HFM1: variants seen among roughly 807,000 people sequenced by gnomAD.
HFM1 encodes the protein probable ATP-dependent DNA helicase HFM1.
In HFM1, 169 loss-of-function variants were observed where a neutral mutation model predicts 192.1. The observed-to-expected ratio is 0.88, with a 90% CI of 0.78 to 1.00. The LOEUF (loss-of-function observed/expected upper bound fraction) is 1.00, where lower values mean the gene tolerates loss of function less well. HFM1 is among the 50% of genes least tolerant of loss of function. The pLI, the probability that HFM1 is intolerant of heterozygous loss-of-function variation, is 0.00. For missense variants in HFM1, 1,661 were observed against 1,668.0 expected (o/e 1.00, Z 0.07); for synonymous variants, 525 against 537.8 (o/e 0.98, Z 0.33).
intron 30 of HFM1, among the ~76,000 whole-genome samples, chr1:91,297,017 G>A (rs1334202441): frequency 6.6e-6 from 1 of 152,248 alleles, no homozygotes; most frequent in African/African-American, 2.4e-5. Flanking sequence ...GGAAGCACAA[G>A]GGGTCAGGGA....
At chr1:91,333,610 T>TA (rs532263317) in intron 20 of HFM1, among the ~76,000 whole-genome samples, 39 of 152,226 alleles carry the variant, frequency 2.6e-4, no homozygotes, top group African/African-American at 9.1e-4. Flanking sequence ...AAAAATAACT[T>TA]AAACAGTATA....
At chr1:91,342,690 C>T (rs1331379319) in intron 20 of HFM1, among the ~76,000 whole-genome samples, 2 of 152,112 alleles carry the variant, frequency 1.3e-5, no homozygotes, top group African/African-American at 4.8e-5. Context: ...CTTGTTAATA[C>T]ATTTTGTTAT....
chr1:91,380,280 T>C (rs2102007747), intron 7 of HFM1, 44 bp from the exon 8 acceptor site: 1 of 1,171,976 alleles, frequency 8.5e-7, no homozygotes, highest in Non-Finnish European at 1.2e-6. Context: ...ATAGACTTTT[T>C]CACACACATT....
chr1:91,287,510 T>A (rs1167107516), intron 30 of HFM1, among the ~76,000 whole-genome samples: 2 of 151,818 alleles, frequency 1.3e-5, no homozygotes, highest in Non-Finnish European at 2.9e-5. Flanking sequence ...CAAAAACCCA[T>A]CTGTACATCA....
intron 13 of HFM1, 68 bp downstream of exon 13, chr1:91,375,290 A>G: frequency 9.0e-7 from 1 of 1,113,174 alleles, no homozygotes; most frequent in Non-Finnish European, 1.3e-6. Context: ...GACAAGCCTA[A>G]TTTTCTCATG....
At chr1:91,329,169 C>T (rs1275327596) in intron 20 of HFM1, 1 of 1,609,952 alleles carries the variant, frequency 6.2e-7, no homozygotes, top group Non-Finnish European at 8.5e-7. Flanking sequence ...GCGACTTGAC[C>T]CCAACAAGTA....
intron 2 of HFM1, among the ~76,000 whole-genome samples, chr1:91,399,350 T>C (rs910741278): frequency 9.2e-5 from 14 of 152,146 alleles, no homozygotes; most frequent in African/African-American, 2.9e-4. Context: ...AGATATTTGA[T>C]ACTCCCTCTA....
At chr1:91,341,044 A>G (rs1474205966) in intron 20 of HFM1, among the ~76,000 whole-genome samples, 1 of 152,174 alleles carries the variant, frequency 6.6e-6, no homozygotes, top group Non-Finnish European at 1.5e-5. Context: ...AGGGCAGAAA[A>G]CAAATAAAAA....
At chr1:91,300,595 T>C (rs1648579777) in intron 30 of HFM1, among the ~76,000 whole-genome samples, 1 of 152,184 alleles carries the variant, frequency 6.6e-6, no homozygotes, top group South Asian at 2.1e-4. Flanking sequence ...CATGATCAAG[T>C]GGGCTTCATC....
rs1052686062 is a variant in HFM1 at position 91,354,309 on chromosome 1, C to A, written c.1686-1010G>T. Reference sequence around the variant, plus strand: ...GGGAAAAAAAAGAAAGAGAAAAGAACAAAAAAGAGTGAACAAAGCCTATAG... The same window carrying A: ...GGGAAAAAAAAGAAAGAGAAAAGAAAAAAAAAGAGTGAACAAAGCCTATAG... On this transcript the variant is annotated intron_variant, in intron 13 of 38. Coordinates refer to ENST00000370425, the MANE Select transcript of HFM1 (RefSeq NM_001017975.6). Among the ~76,000 whole-genome samples the A allele has an allele frequency of 4.0e-5, 6 of 151,580 alleles. No individual in the cohort carries two copies. The East Asian group carries it at 1.2e-3, about 29-fold the overall frequency.
intron 13 of HFM1, among the ~76,000 whole-genome samples, chr1:91,356,593 AAATAATAAAGATC>A (rs1337303734): frequency 6.6e-6 from 1 of 152,196 alleles, no homozygotes; most frequent in Non-Finnish European, 1.5e-5. Flanking sequence ...AGAAGAAAGG[AAATAATAAAGATC>A]AGAACAGAAA....
At chr1:91,287,888 C>T (rs1011926217) in intron 30 of HFM1, among the ~76,000 whole-genome samples, 4 of 151,892 alleles carry the variant, frequency 2.6e-5, no homozygotes, top group South Asian at 2.1e-4. Context: ...GGAGCCGATG[C>T]GATGAATTGG....
chr1:91,299,671 C>A (rs1308079316), intron 30 of HFM1, among the ~76,000 whole-genome samples: 4 of 152,198 alleles, frequency 2.6e-5, no homozygotes, highest in Non-Finnish European at 5.9e-5. Flanking sequence ...GAACATCCTG[C>A]TCCTGAATGA....
chr1:91,295,148 G>A (rs1033389932), intron 30 of HFM1, among the ~76,000 whole-genome samples: 19 of 152,020 alleles, frequency 1.2e-4, no homozygotes, highest in Non-Finnish European at 2.5e-4. Context: ...ATAGGTTCCT[G>A]ACTTTTTGGA....
chr1:91,296,022 A>G (rs998404795), intron 30 of HFM1, among the ~76,000 whole-genome samples: 1 of 152,014 alleles, frequency 6.6e-6, no homozygotes, highest in Non-Finnish European at 1.5e-5. Context: ...TCTGCCTCCC[A>G]GGTTCATGCC....
At chr1:91,269,488 A>G (rs1666073794) in intron 34 of HFM1, among the ~76,000 whole-genome samples, 1 of 152,140 alleles carries the variant, frequency 6.6e-6, no homozygotes, top group Admixed American at 6.6e-5. Flanking sequence ...AATATCTTCT[A>G]TGAATTTCTT....
Position 91,262,283 on chromosome 1 carries a change from A to C in HFM1, c.4196T>G (p.Phe1399Cys), listed in dbSNP as rs767120204. Reference sequence around the variant, plus strand: ...TTTACATTCACTGTTTCTAATAAAAAAATCCACTTTTTTATAATTTGAAGA... The same window carrying C: ...TTTACATTCACTGTTTCTAATAAAACAATCCACTTTTTTATAATTTGAAGA... The part of the protein sequence containing the change: ...PNSSNYKKVD[F>C]FIRNSECKKE... The change falls in exon 38 of 39, where the codon TTT becomes TGT. Residue 1399 changes from phenylalanine to cysteine, a missense_variant. Transcript: ENST00000370425. 2 of 1,465,472 alleles carry C rather than the reference A, an allele frequency of 1.4e-6. No homozygotes were observed. Among genetic ancestry groups the C allele is most frequent in the South Asian group, 2.5e-5 (2 of 79,182 alleles). The allele number at this position is 1,465,472 out of a possible 1,614,324, so 90.8% of individuals were successfully genotyped here. A position where few individuals can be genotyped will look rare whatever the true frequency, so the allele number is the denominator to read the frequency against.
Position 91,261,344 on chromosome 1 carries a change from A to G in HFM1, c.4254T>C (p.Asp1418=), listed in dbSNP as rs369770429. 6.1e-5 allele frequency: 87 copies of G among 1,422,018 alleles called. No individual in the cohort carries two copies. Among genetic ancestry groups the G allele is most frequent in the Non-Finnish European group, 7.5e-5 (81 of 1,075,576 alleles). 88.1% of individuals were successfully genotyped at this position (1,422,018 alleles called of 1,614,324 possible). A position where few individuals can be genotyped will look rare whatever the true frequency, so the allele number is the denominator to read the frequency against. ...KEVDFSMYHP[D]DEADEMKSLL... ...AAGACTTCATTTCATCAGCTTCATC[A>G]TCAGGATGATACATACTGGGAGAAA... Residue 1418 remains aspartate, a synonymous_variant, in exon 39 of 39, where the codon GAT becomes GAC. Coordinates refer to ENST00000370425, the MANE Select transcript of HFM1 (RefSeq NM_001017975.6).
chr1:91,293,526 A>G lies in HFM1; in HGVS notation c.3392-16464T>C, dbSNP rs1264181127. Among the ~76,000 whole-genome samples, 45 of 149,962 alleles carry G rather than the reference A, an allele frequency of 3.0e-4. 1 individual carries two copies. The highest frequency in any genetic ancestry group is 9.4e-4 in the African/African-American group (39 of 41,304). The stretch of plus-strand genomic sequence containing the variant: ...ACCATCTCACACCAGTTAGAATGGC[A>G]ATCATTAAAAAGTCAGGAAACAACA... On this transcript the variant is annotated intron_variant, in intron 30 of 38. Transcript: ENST00000370425.
Sources: allele counts gnomAD v4.1 joint callset (sites outside exome capture counted in the v4.1 genomes callset), GRCh38; gene constraint gnomAD v4.1.1; transcripts MANE v1.5; gene names NCBI Gene and HGNC (gene_info 2026-07-23, HGNC 2026-07-21).